The following ALDH1A2 variants were observed in gnomAD, a reference collection of about 807,000 sequenced individuals.
ALDH1A2 encodes the protein retinal dehydrogenase 2.
ALDH1A2 carries 27 observed loss-of-function variants against 60.3 expected under a neutral mutation model. The observed-to-expected ratio is 0.45, with a 90% CI of 0.33 to 0.62. ALDH1A2 has a LOEUF of 0.62. Ranked by LOEUF, ALDH1A2 falls within the 20% of genes least tolerant of loss-of-function variation. The pLI, the probability that ALDH1A2 is intolerant of heterozygous loss-of-function variation, is 0.02. For missense variants in ALDH1A2, 581 were observed against 643.8 expected (o/e 0.90, Z 1.06); for synonymous variants, 289 against 232.4 (o/e 1.24, Z -2.21).
chr15:58,058,217 C>A, intron 1 of ALDH1A2: 1 of 637,522 alleles, frequency 1.6e-6, no homozygotes, highest in South Asian at 1.9e-5. Flanking sequence ...GAAATCGTGC[C>A]ACTATCACAC....
chr15:57,982,930 C>A (rs1281104441), intron 7 of ALDH1A2, among the ~76,000 whole-genome samples: 1 of 152,132 alleles, frequency 6.6e-6, no homozygotes, highest in South Asian at 2.1e-4. Flanking sequence ...GAGTTAACGA[C>A]CCTAGGAAAT....
intron 7 of ALDH1A2, among the ~76,000 whole-genome samples, chr15:57,980,992 A>C (rs1347298764): frequency 6.6e-6 from 1 of 152,112 alleles, no homozygotes; most frequent in African/African-American, 2.4e-5. Context: ...TCAGGGATTC[A>C]ACTTCTTCCT....
chr15:57,962,590 T>C (rs1158989855), intron 9 of ALDH1A2, among the ~76,000 whole-genome samples: 2 of 152,190 alleles, frequency 1.3e-5, no homozygotes, highest in East Asian at 1.9e-4. Context: ...TTTTAGATAG[T>C]GCTACATACC....
At chr15:58,029,562 GAT>G (rs1178772791) in intron 1 of ALDH1A2, among the ~76,000 whole-genome samples, 1 of 138,516 alleles carries the variant, frequency 7.2e-6, no homozygotes, top group East Asian at 2.1e-4. Flanking sequence ...AACTGAAGGA[GAT>G]AGAGACATAA....
rs183553203 is a variant in ALDH1A2 at position 58,058,048 on chromosome 15, C to T, written c.117+7486G>A. 54 of 1,533,816 alleles carry T rather than the reference C, an allele frequency of 3.5e-5. No homozygotes were observed. In the Admixed American group the frequency reaches 9.8e-4, roughly 28 times the overall value. On this transcript the variant is annotated intron_variant, in intron 1 of 12. Transcript: ENST00000249750. ...TTATTGGGGATTTTAACCAAACAGT[C>T]TCACACTGATTCTTCATCTTCTCCC... is the stretch of plus-strand genomic sequence containing the variant.
intron 1 of ALDH1A2, among the ~76,000 whole-genome samples, chr15:58,053,832 A>C (rs1249938898): frequency 6.6e-6 from 1 of 152,160 alleles, no homozygotes; most frequent in African/African-American, 2.4e-5. Context: ...GAAATTTTTC[A>C]CTCAGTACAA....
At chr15:58,060,165 C>T (rs1035149455) in intron 1 of ALDH1A2, among the ~76,000 whole-genome samples, 3 of 152,302 alleles carry the variant, frequency 2.0e-5, no homozygotes, top group South Asian at 2.1e-4. Flanking sequence ...AGGTGATCCA[C>T]CCGCCTCAGC....
rs540548762 is a variant in ALDH1A2, at chr15:57,975,612, G to A, written c.799-9785C>T. Among the ~76,000 whole-genome samples, 153 of 152,242 alleles carry A rather than the reference G, an allele frequency of 1.0e-3. 1 individual carries two copies. The Middle Eastern group carries it at 0.024, about 24-fold the overall frequency. On this transcript the variant is annotated intron_variant, in intron 7 of 12. Transcript: ENST00000249750. ...CCAGATTTCAGATTTTTTGAATTCA[G>A]AATAGTTAAACTATATACCCATAAA...
chr15:58,064,790 A>T (rs1469420832), intron 1 of ALDH1A2, among the ~76,000 whole-genome samples: 1 of 152,120 alleles, frequency 6.6e-6, no homozygotes, highest in Non-Finnish European at 1.5e-5. Flanking sequence ...TAGCAGACGC[A>T]TATTCTTTTT....
intron 4 of ALDH1A2, among the ~76,000 whole-genome samples, chr15:58,002,368 GAA>G (rs1473748640): frequency 6.6e-6 from 1 of 151,882 alleles, no homozygotes; most frequent in African/African-American, 2.4e-5. Context: ...AAACTACACA[GAA>G]GAGAGAGAAA....
At chr15:57,983,056 G>A (rs182089211) in intron 7 of ALDH1A2, among the ~76,000 whole-genome samples, 1 of 152,192 alleles carries the variant, frequency 6.6e-6, no homozygotes, top group African/African-American at 2.4e-5. Context: ...CTATTAAAGA[G>A]ACTTCTAAGG....
At chr15:58,045,565 T>TA (rs1472806166) in intron 1 of ALDH1A2, among the ~76,000 whole-genome samples, 1 of 151,950 alleles carries the variant, frequency 6.6e-6, no homozygotes. Flanking sequence ...TATGCAGCCA[T>TA]AAAAAAGGAT....
rs1229267241 is a variant in ALDH1A2, at chr15:57,989,999, CA to C, written c.798+2705del. 0.013 allele frequency among the ~76,000 whole-genome samples: 322 copies of C among 25,444 alleles called. 1 individual carries two copies. The East Asian group carries it at 0.13, about 11-fold the overall frequency. The allele number at this position is 25,444 out of a possible 152,430, so 16.7% of individuals were successfully genotyped here. A position where few individuals can be genotyped will look rare whatever the true frequency, so the allele number is the denominator to read the frequency against. Reference sequence around the variant, plus strand: ...TGGGCGACAGAGCGAGACTCCGTCTCAAAAAAAAAAAAAAAAAAAAAATGAC... The same window carrying C: ...TGGGCGACAGAGCGAGACTCCGTCTCAAAAAAAAAAAAAAAAAAAAATGAC... On this transcript the variant is annotated intron_variant, in intron 7 of 12. Transcript: ENST00000249750.
intron 4 of ALDH1A2, among the ~76,000 whole-genome samples, chr15:57,996,722 G>T (rs376344080): frequency 1.3e-4 from 19 of 151,896 alleles, no homozygotes; most frequent in African/African-American, 3.9e-4. Context: ...GTACATTTCA[G>T]ATTTTCAAAA....
At chr15:58,002,552 G>A (rs1895309360) in intron 4 of ALDH1A2, among the ~76,000 whole-genome samples, 1 of 151,848 alleles carries the variant, frequency 6.6e-6, no homozygotes, top group Admixed American at 6.6e-5. Context: ...GTATGACTAA[G>A]CAATCTGTAA....
chr15:57,998,582 G>C (rs1332217132), intron 4 of ALDH1A2, among the ~76,000 whole-genome samples: 2 of 152,108 alleles, frequency 1.3e-5, no homozygotes, highest in African/African-American at 4.8e-5. Flanking sequence ...AACATTCCAT[G>C]CTCATGGATA....
At chr15:58,060,405 G>A (rs1896995621) in intron 1 of ALDH1A2, among the ~76,000 whole-genome samples, 1 of 149,350 alleles carries the variant, frequency 6.7e-6, no homozygotes, top group African/African-American at 2.5e-5. Flanking sequence ...TTATCTCAAT[G>A]ATGACAAATG....
chr15:57,972,234 G>C (rs1016472230), intron 7 of ALDH1A2, among the ~76,000 whole-genome samples: 8 of 152,318 alleles, frequency 5.3e-5, no homozygotes, highest in Admixed American at 2.6e-4. Flanking sequence ...GTCTCAGAAT[G>C]TGCACACCAA....
chr15:57,994,981 A>G, intron 5 of ALDH1A2, 97 bp downstream of exon 5: 1 of 1,190,424 alleles, frequency 8.4e-7, no homozygotes, highest in Non-Finnish European at 1.3e-6. Context: ...TTCCTCCAGT[A>G]ATGGAAAACA....
Sources: gnomAD v4.1 joint callset for allele counts (sites outside exome capture counted in the v4.1 genomes callset) on GRCh38, gnomAD v4.1.1 for gene constraint, MANE v1.5 for transcripts, NCBI Gene and HGNC (gene_info 2026-07-23, HGNC 2026-07-21) for gene names.